MUC12: variants seen among roughly 807,000 people sequenced by gnomAD.
The protein encoded by MUC12 is mucin-12.
A neutral mutation model predicts 230.8 loss-of-function variants in MUC12; 172 were observed. The ratio of observed to expected loss-of-function variants is 0.75; its 90% CI spans 0.66 to 0.85. The LOEUF (loss-of-function observed/expected upper bound fraction) is 0.85. Among genes scored for constraint, MUC12 ranks in the 40% least tolerant of loss-of-function variants. The pLI is 0.00. For missense variants in MUC12, 3,506 were observed against 5,920.6 expected (o/e 0.59, Z 13.38); for synonymous variants, 1,259 against 2,401.9 (o/e 0.52, Z 13.91).
rs1454010854 is a variant in MUC12, at chr7:101,004,663, C to G, written c.14100C>G (p.Ala4700=). The change falls in exon 2 of 12, where the codon GCC becomes GCG. Residue 4700 remains alanine, a synonymous_variant. Transcript: ENST00000536621. ...CAAATGGAATCACACCCTTACCTGC[C>G]CATTTTACTACCTCAGGCCGCATTG... is the stretch of plus-strand genomic sequence containing the variant. ...PDTNGITPLP[A]HFTTSGRIAE... is the part of the protein sequence containing the mutation. 3 of 1,537,334 alleles carry G rather than the reference C, an allele frequency of 2.0e-6. No individual in the cohort carries two copies. Among genetic ancestry groups the G allele is most frequent in the African/African-American group, 2.7e-5 (2 of 73,008 alleles).
intron 10 of MUC12, among the ~76,000 whole-genome samples, chr7:101,016,411 A>G (rs1258479166): frequency 6.6e-6 from 1 of 151,978 alleles, no homozygotes; most frequent in Non-Finnish European, 1.5e-5. Context: ...GGTTCAAGCG[A>G]TTCTCCTGCC....
Position 101,005,524 on chromosome 7 carries a change from T to C in MUC12, c.14956+5T>C. 1 of 1,530,590 alleles carries C rather than the reference T, an allele frequency of 6.5e-7. No individual in the cohort carries two copies. The highest frequency in any genetic ancestry group is 2.0e-5 in the Admixed American group (1 of 50,656). The allele number at this position is 1,530,590 out of a possible 1,614,324, so 94.8% of individuals were successfully genotyped here. A position where few individuals can be genotyped will look rare whatever the true frequency, so the allele number is the denominator to read the frequency against. The stretch of plus-strand genomic sequence containing the variant: ...GCCTGGAAACCTTAGCACCAGGTAC[T>C]GCTCTTTCCATTTCATCCACGTTTA... On this transcript the variant is annotated splice_donor_5th_base_variant and intron_variant, in intron 2 of 11. Transcript: ENST00000536621.
Position 100,990,783 on chromosome 7 carries a change from A to T in MUC12, c.220A>T (p.Asn74Tyr), listed in dbSNP as rs771954732. ...AAAACACTTCCTTGACAGCTCCACAAACTCAGGCCACAGTGAGGAATCAAC... is the reference window on the plus strand; with the variant it reads ...AAAACACTTCCTTGACAGCTCCACATACTCAGGCCACAGTGAGGAATCAAC... Reference protein sequence around the residue: ...ATKHFLDSSTNSGHSEESTVS... With the variant: ...ATKHFLDSSTYSGHSEESTVS... Residue 74 changes from asparagine (N) to tyrosine (Y), a missense_variant, in exon 2 of 12, where the codon AAC becomes TAC. Coordinates refer to ENST00000536621, the MANE Select transcript of MUC12 (RefSeq NM_001164462.2). 2.0e-6 allele frequency: 3 copies of T among 1,537,718 alleles called. No homozygotes were observed. The Admixed American group carries it at 5.9e-5, about 30-fold the overall frequency.
Position 100,969,633 on chromosome 7 carries a change from T to G in MUC12, c.11T>G (p.Ile4Ser). ...CCCGTTCCCCGGGAGATGCTGGTGA[T>G]CTGGATTCTGACGCTGGCTCTCCGG... MLVIWILTLALRLC... is the reference protein window; with the variant it reads MLVSWILTLALRLC... The change falls in exon 1 of 12, where the codon ATC becomes AGC. Residue 4 changes from isoleucine (I) to serine (S), a missense_variant. Physicochemically the swap from Ile to Ser is moderately radical, Grantham distance 142. Coordinates refer to ENST00000536621, the MANE Select transcript of MUC12 (RefSeq NM_001164462.2). 1 of 1,537,446 alleles carries G rather than the reference T, an allele frequency of 6.5e-7. No individual in the cohort carries two copies. The highest frequency in any genetic ancestry group is 8.7e-7 in the Non-Finnish European group (1 of 1,146,952).
intron 1 of MUC12, among the ~76,000 whole-genome samples, chr7:100,974,653 C>G (rs1201372383): frequency 2.0e-5 from 3 of 152,162 alleles, no homozygotes; most frequent in Non-Finnish European, 4.4e-5. Flanking sequence ...GACCCTGTCT[C>G]TGCAAAAAAT....
chr7:100,970,806 G>T (rs374823347), intron 1 of MUC12, among the ~76,000 whole-genome samples: 1 of 151,994 alleles, frequency 6.6e-6, no homozygotes, highest in Admixed American at 6.6e-5. Flanking sequence ...GACCATCCTG[G>T]CTAACACGGT....
Position 100,992,317 on chromosome 7 carries a change from G to T in MUC12, c.1754G>T (p.Gly585Val). The T allele has an allele frequency of 6.5e-7, 1 of 1,536,714 alleles. No individual in the cohort carries two copies. The highest frequency in any genetic ancestry group is 8.7e-7 in the Non-Finnish European group (1 of 1,146,094). Residue 585 changes from glycine (G) to valine (V), a missense_variant, in exon 2 of 12, where the codon GGC (glycine) becomes GTC (valine). Gly to Val is a moderately radical substitution (Grantham distance 109). Transcript: ENST00000536621. ...PEYTTFHSRP[G>V]STETTLLPDN... Reference sequence around the variant, plus strand: ...TATACTACCTTCCACAGCCGCCCAGGCTCCACTGAAACAACACTCTTACCT... The same window carrying T: ...TATACTACCTTCCACAGCCGCCCAGTCTCCACTGAAACAACACTCTTACCT...
At chr7:101,013,791 T>G in intron 8 of MUC12, 122 bp from the exon 9 acceptor site, 2 of 1,210,012 alleles carry the variant, frequency 1.7e-6, no homozygotes, top group Non-Finnish European at 2.2e-6. Context: ...CTCTGGGGGC[T>G]GAGCTCCAGC....
chr7:101,004,816 A>G lies in MUC12; in HGVS notation c.14253A>G (p.Thr4751=), dbSNP rs199836274. Residue 4751 remains threonine, a synonymous_variant, in exon 2 of 12, where the codon ACA becomes ACG. Coordinates refer to ENST00000536621, the MANE Select transcript of MUC12 (RefSeq NM_001164462.2). ...GTAGCTCCAGATCACCAGACCAAAC[A>G]CTCTCACCTGCCAGCATGACAAGCT... ...LYSSSRSPDQ[T]LSPASMTSSS... 2 of 1,537,224 alleles carry G rather than the reference A, an allele frequency of 1.3e-6. No individual in the cohort carries two copies. The highest frequency in any genetic ancestry group is 1.2e-5 in the South Asian group (1 of 84,018).
At chr7:100,982,611 T>G (rs568240947) in intron 1 of MUC12, among the ~76,000 whole-genome samples, 1 of 152,130 alleles carries the variant, frequency 6.6e-6, no homozygotes, top group African/African-American at 2.4e-5. Flanking sequence ...TAATTTTTTG[T>G]TGAGATGGGG....
In MUC12 at chr7:100,992,978, G is replaced by A. The variant is rs1464935902; in HGVS notation, c.2415G>A (p.Met805Ile). Reference protein sequence around the residue: ...STTSPISSGSMETTALPGSTT... With the variant: ...STTSPISSGSIETTALPGSTT... ...CCTCACCCATCAGTTCAGGCTCAATGGAAACGACAGCGTTACCCGGCAGTA... is the reference window on the plus strand; with the variant it reads ...CCTCACCCATCAGTTCAGGCTCAATAGAAACGACAGCGTTACCCGGCAGTA... The change falls in exon 2 of 12, where the codon ATG (methionine) becomes ATA (isoleucine). Residue 805 changes from methionine (M) to isoleucine (I), a missense_variant. Physicochemically the swap from Met to Ile is conservative, Grantham distance 10 (BLOSUM62 1). Transcript: ENST00000536621. 19 of 1,537,220 alleles carry A rather than the reference G, an allele frequency of 1.2e-5. No homozygotes were observed. The highest frequency in any genetic ancestry group is 1.5e-5 in the Non-Finnish European group (17 of 1,147,026).
chr7:101,004,792 T>C lies in MUC12; in HGVS notation c.14229T>C (p.Ser4743=). ...GTGCAAAATCTACCATCCTTTACAG[T>C]AGCTCCAGATCACCAGACCAAACAC... ...GLSAKSTILY[S]SSRSPDQTLS... is the part of the protein sequence containing the mutation. The change falls in exon 2 of 12, where the codon AGT becomes AGC. Residue 4743 remains serine, a synonymous_variant. Coordinates refer to ENST00000536621, the MANE Select transcript of MUC12 (RefSeq NM_001164462.2). 6.5e-7 allele frequency: 1 copy of C among 1,537,754 alleles called. No homozygotes were observed. Among genetic ancestry groups the C allele is most frequent in the Non-Finnish European group, 8.7e-7 (1 of 1,147,036 alleles).
intron 1 of MUC12, 126 bp from the exon 2 acceptor site, chr7:100,990,505 C>A: frequency 8.4e-7 from 1 of 1,190,874 alleles, no homozygotes; most frequent in Non-Finnish European, 1.2e-6. Context: ...AAAAGGGAAA[C>A]TTGAGTTTCA....
rs1037937798 is a variant in MUC12 at position 101,015,566 on chromosome 7, C to T, written c.15801-49C>T. The T allele has an allele frequency of 6.0e-6, 9 of 1,499,096 alleles. No individual in the cohort carries two copies. In the African/African-American group the frequency reaches 9.7e-5, roughly 16 times the overall value. The allele number at this position is 1,499,096 out of a possible 1,614,324, so 92.9% of individuals were successfully genotyped here. ...GCTGAAGGTCAGGGTCCACCAAGTC[C>T]CTCCTCAGCCTCCTTGCCTACAGCT... is the stretch of plus-strand genomic sequence containing the variant. On this transcript the variant is annotated intron_variant, in intron 9 of 11. Transcript: ENST00000536621.
chr7:101,013,258 C>CAAG, intron 8 of MUC12, 116 bp downstream of exon 8: 1 of 1,170,408 alleles, frequency 8.5e-7, no homozygotes, highest in Non-Finnish European at 1.2e-6. Flanking sequence ...TGCCTCCTCC[C>CAAG]CACTCCTGGA....
Position 100,991,921 on chromosome 7 carries a change from C to T in MUC12, c.1358C>T (p.Pro453Leu). The change falls in exon 2 of 12, where the codon CCT becomes CTT. Residue 453 changes from proline to leucine, a missense_variant. Transcript: ENST00000536621. The part of the protein sequence containing the change: ...SPDAMATTVL[P>L]AGSTPSVLVG... Reference sequence around the variant, plus strand: ...GATGCAATGGCAACAACAGTCTTACCTGCCGGCTCTACACCCTCAGTTCTT... The same window carrying T: ...GATGCAATGGCAACAACAGTCTTACTTGCCGGCTCTACACCCTCAGTTCTT... The T allele has an allele frequency of 1.3e-6, 2 of 1,537,946 alleles. No individual in the cohort carries two copies. The highest frequency in any genetic ancestry group is 8.7e-7 in the Non-Finnish European group (1 of 1,147,078).
In MUC12 at chr7:100,973,024, G is replaced by A; in HGVS notation, c.67+3335G>A. On this transcript the variant is annotated intron_variant, in intron 1 of 11. Coordinates refer to ENST00000536621, the MANE Select transcript of MUC12 (RefSeq NM_001164462.2). The stretch of plus-strand genomic sequence containing the variant: ...TGCTGGATGGAGCGTGATGTTTGCT[G>A]GGGAGAGTGTGGTGGTGCTGGTGCA... 2 of 702,880 alleles carry A rather than the reference G, an allele frequency of 2.8e-6. 1 individual carries two copies. 43.5% of individuals were successfully genotyped at this position (702,880 alleles called of 1,614,324 possible).
intron 1 of MUC12, among the ~76,000 whole-genome samples, chr7:100,986,248 C>G (rs1002825278): frequency 6.6e-6 from 1 of 151,894 alleles, no homozygotes; most frequent in African/African-American, 2.4e-5. Flanking sequence ...CCCTGTAGCC[C>G]CAACGATTTG....
In MUC12 at chr7:101,013,973, G is replaced by A; in HGVS notation, c.15699G>A (p.Lys5233=). 6.5e-7 allele frequency: 1 copy of A among 1,536,596 alleles called. No individual in the cohort carries two copies. The highest frequency in any genetic ancestry group is 8.7e-7 in the Non-Finnish European group (1 of 1,146,636). Residue 5233 remains lysine (K), a synonymous_variant, in exon 9 of 12, where the codon AAG becomes AAA. Transcript: ENST00000536621. The part of the protein sequence containing the change: ...WGETCEFNIA[K]SLVYGIVGAV... ...AGACCTGTGAATTCAACATCGCCAAGAGCCTCGTGTATGGGATCGTGGGGG... is the reference window on the plus strand; with the variant it reads ...AGACCTGTGAATTCAACATCGCCAAAAGCCTCGTGTATGGGATCGTGGGGG...
Sources: allele counts gnomAD v4.1 joint callset (sites outside exome capture counted in the v4.1 genomes callset), GRCh38; gene constraint gnomAD v4.1.1; transcripts MANE v1.5; gene names NCBI Gene and HGNC (gene_info 2026-07-23, HGNC 2026-07-21).